The following SNTG1 variants were observed in gnomAD, a reference collection of about 807,000 sequenced individuals.
SNTG1 encodes gamma-1-syntrophin.
A neutral mutation model predicts 74.7 loss-of-function variants in SNTG1; 39 were observed. The observed-to-expected ratio is 0.52, with a 90% CI of 0.40 to 0.68. The LOEUF (loss-of-function observed/expected upper bound fraction) is 0.68, where lower values mean the gene tolerates loss of function less well. Ranked by LOEUF, SNTG1 falls within the 30% of genes least tolerant of loss-of-function variation. The pLI is 0.00. For synonymous variants in SNTG1, 254 were observed against 217.1 expected (o/e 1.17, Z -1.49); for missense variants, 685 against 609.5 (o/e 1.12, Z -1.30).
At chr8:50,597,061 CT>C (rs1251620074) in intron 13 of SNTG1, among the ~76,000 whole-genome samples, 6 of 151,718 alleles carry the variant, frequency 4.0e-5, no homozygotes, top group African/African-American at 1.5e-4. Flanking sequence ...CTCTCCCAAT[CT>C]CCCCTCACTC....
rs576712474 is a variant in SNTG1 at position 50,494,817 on chromosome 8, C to T, written c.364-7961C>T. Among the ~76,000 whole-genome samples the T allele has an allele frequency of 1.1e-4, 17 of 152,140 alleles. No homozygotes were observed. In the South Asian group the frequency reaches 3.5e-3, roughly 32 times the overall value. On this transcript the variant is annotated intron_variant, in intron 8 of 18. Coordinates refer to ENST00000642720, the MANE Select transcript of SNTG1 (RefSeq NM_018967.5). Reference sequence around the variant, plus strand: ...TTGAAAACAATGAATTATTTTCAGTCATAGCCTTAAATATTGTCATTACCT... The same window carrying T: ...TTGAAAACAATGAATTATTTTCAGTTATAGCCTTAAATATTGTCATTACCT...
intron 8 of SNTG1, among the ~76,000 whole-genome samples, chr8:50,479,640 C>T (rs2093724043): frequency 6.6e-6 from 1 of 152,046 alleles, no homozygotes; most frequent in Non-Finnish European, 1.5e-5. Flanking sequence ...CCTGAGAGCC[C>T]TTCCTCTGCA....
chr8:49,996,185 TA>T (rs1814198401), intron 1 of SNTG1, among the ~76,000 whole-genome samples: 1 of 152,114 alleles, frequency 6.6e-6, no homozygotes, highest in Non-Finnish European at 1.5e-5. Flanking sequence ...TAAAGCTAAA[TA>T]AGATAGAAGG....
At chr8:50,112,318 C>G (rs765542872) in intron 1 of SNTG1, among the ~76,000 whole-genome samples, 3 of 151,900 alleles carry the variant, frequency 2.0e-5, no homozygotes, top group Non-Finnish European at 2.9e-5. Flanking sequence ...GATGACTTTA[C>G]ACTAAACATA....
chr8:50,602,991 T>C (rs1006292845), intron 13 of SNTG1, among the ~76,000 whole-genome samples: 2 of 152,080 alleles, frequency 1.3e-5, no homozygotes, highest in Non-Finnish European at 2.9e-5. Context: ...TGCCTTGAGA[T>C]TGTCTTCTTT....
chr8:49,926,496 A>C (rs1037182221), intron 1 of SNTG1, among the ~76,000 whole-genome samples: 1 of 152,154 alleles, frequency 6.6e-6, no homozygotes, highest in Non-Finnish European at 1.5e-5. Flanking sequence ...AAATAACTAG[A>C]GTTTTTCAAC....
intron 13 of SNTG1, among the ~76,000 whole-genome samples, chr8:50,647,369 A>G (rs1477443500): frequency 6.6e-6 from 1 of 152,076 alleles, no homozygotes; most frequent in African/African-American, 2.4e-5. Context: ...AACAATTAGA[A>G]AGGAAACATC....
intron 13 of SNTG1, among the ~76,000 whole-genome samples, chr8:50,595,656 C>A (rs1041896448): frequency 1.3e-5 from 2 of 151,890 alleles, no homozygotes; most frequent in Non-Finnish European, 2.9e-5. Flanking sequence ...CCTGAGGGAG[C>A]GGGGAACAAA....
rs544995316 is a variant in SNTG1, at chr8:49,993,499, C to A, written c.-103+81268C>A. ...TGGTTTGCTGCACCTATCAACCCAT[C>A]ATCTAGGTTTTAAACCTCACACACA... is the stretch of plus-strand genomic sequence containing the variant. On this transcript the variant is annotated intron_variant, in intron 1 of 18. Coordinates refer to ENST00000642720, the MANE Select transcript of SNTG1 (RefSeq NM_018967.5). Among the ~76,000 whole-genome samples the A allele has an allele frequency of 3.3e-5, 5 of 152,150 alleles. No homozygotes were observed. In the South Asian group the frequency reaches 1.0e-3, roughly 32 times the overall value.
chr8:50,402,156 AC>A (rs2092813754), intron 3 of SNTG1, 53 bp from the exon 4 acceptor site: 1 of 1,546,498 alleles, frequency 6.5e-7, no homozygotes, highest in Non-Finnish European at 8.7e-7. Context: ...CAAAATTACA[AC>A]CTATAAACTA....
chr8:50,440,108 G>A (rs1049480210), intron 5 of SNTG1, among the ~76,000 whole-genome samples: 2 of 151,212 alleles, frequency 1.3e-5, no homozygotes, highest in African/African-American at 4.8e-5. Context: ...ATAATAAATA[G>A]AATATTTTTT....
chr8:49,937,831 T>G (rs114374384), intron 1 of SNTG1, among the ~76,000 whole-genome samples: 1,804 of 152,316 alleles, frequency 0.012, 37 homozygotes, highest in African/African-American at 0.041. Flanking sequence ...GCAGACAGTT[T>G]TCTTTTCTTT....
chr8:49,953,214 G>GA (rs1426697313), intron 1 of SNTG1, among the ~76,000 whole-genome samples: 1 of 152,214 alleles, frequency 6.6e-6, no homozygotes, highest in African/African-American at 2.4e-5. Flanking sequence ...AATAGACTGT[G>GA]ACAGACAGGG....
chr8:50,440,464 G>C (rs1326992137), intron 5 of SNTG1, among the ~76,000 whole-genome samples: 2 of 151,910 alleles, frequency 1.3e-5, no homozygotes, highest in East Asian at 3.9e-4. Flanking sequence ...TCATATATGA[G>C]TTGAATAAAC....
At chr8:50,569,388 C>T (rs1024033593) in intron 12 of SNTG1, among the ~76,000 whole-genome samples, 39 of 150,700 alleles carry the variant, frequency 2.6e-4, no homozygotes, top group Admixed American at 4.0e-4. Context: ...TACACACTTA[C>T]GTGCAGAAGT....
Position 49,912,028 on chromosome 8 carries a change from T to C in SNTG1, c.-306T>C, listed in dbSNP as rs1208593953. On this transcript the variant is annotated 5_prime_UTR_variant, in exon 1 of 19. Transcript: ENST00000642720. ...GGAGGAATTCTGGAGGAGAGTAAAG[T>C]CGAAGTTCTTAGAAGCTCTGAGAAA... 2.6e-5 allele frequency: 4 copies of C among 152,340 alleles called. No individual in the cohort carries two copies. The highest frequency in any genetic ancestry group is 9.6e-5 in the African/African-American group (4 of 41,462). The allele number at this position is 152,340 out of a possible 1,614,324, so 9.4% of individuals were successfully genotyped here. A position where few individuals can be genotyped will look rare whatever the true frequency, so the allele number is the denominator to read the frequency against.
chr8:50,501,425 GTTTTTTTT>G (rs59123896), intron 8 of SNTG1, among the ~76,000 whole-genome samples: 1 of 57,082 alleles, frequency 1.8e-5, no homozygotes, highest in Non-Finnish European at 2.9e-5. Context: ...GAGCCTGTGC[GTTTTTTTT>G]TTTTTTTTTT....
At chr8:50,527,859 T>G (rs1369186893) in intron 9 of SNTG1, among the ~76,000 whole-genome samples, 1 of 152,030 alleles carries the variant, frequency 6.6e-6, no homozygotes, top group Non-Finnish European at 1.5e-5. Flanking sequence ...ATATTAGTCT[T>G]TTTAATTTGG....
intron 15 of SNTG1, among the ~76,000 whole-genome samples, chr8:50,669,528 C>T (rs1399083010): frequency 6.6e-6 from 1 of 152,160 alleles, no homozygotes; most frequent in Non-Finnish European, 1.5e-5. Context: ...ATAACAGGAT[C>T]TGAAATTGTG....
Sources: gnomAD v4.1 joint callset for allele counts (sites outside exome capture counted in the v4.1 genomes callset) on GRCh38, gnomAD v4.1.1 for gene constraint, MANE v1.5 for transcripts, NCBI Gene and HGNC (gene_info 2026-07-23, HGNC 2026-07-21) for gene names.